Variants in NLRP9 observed in about 807,000 individuals in gnomAD.
NLRP9 encodes the protein NLR family pyrin domain containing 9.
In NLRP9, 88 loss-of-function variants were observed where a neutral mutation model predicts 83.1. That is an observed-to-expected ratio of 1.06 (90% CI 0.89 to 1.26). The LOEUF is 1.26. Ranked by LOEUF, NLRP9 falls within the 50% of genes most tolerant of loss-of-function variation. The probability of loss-of-function intolerance (pLI) is 0.00; values close to 1 mark genes in which losing one functional copy is unlikely to be tolerated. For synonymous variants in NLRP9, 521 were observed against 447.6 expected, an observed-to-expected ratio of 1.16 and a Z score of -2.07; for missense variants, 1,308 against 1,179.3, an observed-to-expected ratio of 1.11 and a Z score of -1.60.
intron 1 of NLRP9, among the ~76,000 whole-genome samples, chr19:55,735,130 G>T (rs551268641): frequency 8.5e-5 from 13 of 152,174 alleles, no homozygotes; most frequent in Non-Finnish European, 1.5e-4. Flanking sequence ...TTCCACCGAT[G>T]GTCTGTGCTC....
At chr19:55,717,011 A>T in intron 4 of NLRP9, 113 bp from the exon 5 acceptor site, 1 of 721,426 alleles carries the variant, frequency 1.4e-6, no homozygotes, top group Non-Finnish European at 2.3e-6. Flanking sequence ...CCGATCCATT[A>T]TCTACACTAC....
intron 5 of NLRP9, 131 bp downstream of exon 5, chr19:55,716,597 G>A (rs1988022965): frequency 1.4e-6 from 1 of 720,812 alleles, no homozygotes; most frequent in Non-Finnish European, 2.4e-6. Flanking sequence ...GCGTGGGAAA[G>A]GAACTCAGGT....
rs1988666210 is a variant in NLRP9 at position 55,733,405 on chromosome 19, C to T, written c.426G>A (p.Ala142=). 1.2e-6 allele frequency: 2 copies of T among 1,613,926 alleles called. No individual in the cohort carries two copies. The highest frequency in any genetic ancestry group is 1.7e-5 in the Admixed American group (1 of 59,990). The change falls in exon 2 of 9, where the codon GCG becomes GCA. Residue 142 remains alanine (A), a synonymous_variant. Coordinates refer to ENST00000332836, the MANE Select transcript of NLRP9 (RefSeq NM_176820.4). The part of the protein sequence containing the change: ...YKELNDAYTA[A]ARRHTVVLEG... Reference sequence around the variant, plus strand: ...CCAGGACCACAGTGTGTCGTCTAGCCGCAGCAGTATATGCGTCATTCAATT... The same window carrying T: ...CCAGGACCACAGTGTGTCGTCTAGCTGCAGCAGTATATGCGTCATTCAATT...
chr19:55,718,317 G>A (rs182563768), intron 4 of NLRP9, among the ~76,000 whole-genome samples: 315 of 152,296 alleles, frequency 2.1e-3, no homozygotes, highest in African/African-American at 6.9e-3. Flanking sequence ...ACCCGTAAAG[G>A]GTCTGTGCTG....
intron 3 of NLRP9, among the ~76,000 whole-genome samples, chr19:55,726,478 G>A (rs1027341056): frequency 2.0e-5 from 3 of 152,102 alleles, no homozygotes; most frequent in South Asian, 2.1e-4. Context: ...CCTCCCCAGC[G>A]TTAGGGATTA....
chr19:55,735,126 C>A (rs1298673527), intron 1 of NLRP9, among the ~76,000 whole-genome samples: 2 of 152,158 alleles, frequency 1.3e-5, no homozygotes, highest in African/African-American at 4.8e-5. Context: ...ACGGTTCCAC[C>A]GATGGTCTGT....
In NLRP9 at chr19:55,708,712, G is replaced by A. The variant is rs1987551155; in HGVS notation, c.*200C>T. 4.8e-6 allele frequency: 2 copies of A among 418,834 alleles called. No individual in the cohort carries two copies. Among genetic ancestry groups the A allele is most frequent in the South Asian group, 8.1e-5 (1 of 12,300 alleles). 25.9% of individuals were successfully genotyped at this position (418,834 alleles called of 1,614,324 possible). A position where few individuals can be genotyped will look rare whatever the true frequency, so the allele number is the denominator to read the frequency against. On this transcript the variant is annotated 3_prime_UTR_variant, in exon 9 of 9. Transcript: ENST00000332836. ...CAGGATGGGATTTCTAAAGACAAGG[G>A]GATATAGGACCGAGGCAAAGACAAT...
intron 8 of NLRP9, among the ~76,000 whole-genome samples, chr19:55,711,085 C>CAA (rs770121384): frequency 0.071 from 7,964 of 111,812 alleles, 317 homozygotes; most frequent in East Asian, 0.17. Context: ...GACTCTGCCT[C>CAA]AAAAAAACAA....
At chr19:55,723,337 T>C (rs1275830907) in intron 4 of NLRP9, among the ~76,000 whole-genome samples, 1 of 151,474 alleles carries the variant, frequency 6.6e-6, no homozygotes, top group East Asian at 1.9e-4. Flanking sequence ...CAGTTTCAAG[T>C]TTCTATAAAT....
Position 55,732,548 on chromosome 19 carries a change from C to G in NLRP9, c.1283G>C (p.Trp428Ser). 6.2e-7 allele frequency: 1 copy of G among 1,614,202 alleles called. No homozygotes were observed. ...CCTTTGGAGGAGTCTCATACCCACCCACATCACGCCCTCAGACTCAGATAA... is the reference window on the plus strand; with the variant it reads ...CCTTTGGAGGAGTCTCATACCCACCGACATCACGCCCTCAGACTCAGATAA... ...NGLSESEGVM[W>S]VGMRLLQRRG... Residue 428 changes from tryptophan to serine, a missense_variant, in exon 2 of 9, where the codon TGG becomes TCG. By Grantham distance (177) the Trp-to-Ser change is radical. Coordinates refer to ENST00000332836, the MANE Select transcript of NLRP9 (RefSeq NM_176820.4).
chr19:55,737,148 GGTTCGGAGTCA>G (rs1988805685), intron 1 of NLRP9: 1 of 151,908 alleles, frequency 6.6e-6, no homozygotes, highest in Admixed American at 6.6e-5. Flanking sequence ...CAGCAGAACT[GGTTCGGAGTCA>G]GATCTGTCAC....
intron 5 of NLRP9, among the ~76,000 whole-genome samples, chr19:55,716,402 G>A (rs1400166847): frequency 2.0e-5 from 3 of 152,016 alleles, no homozygotes; most frequent in Admixed American, 2.0e-4. Context: ...GGGAGTATGG[G>A]CATGCGCCAC....
At chr19:55,711,730 T>C in intron 8 of NLRP9, 70 bp downstream of exon 8, 2 of 1,488,532 alleles carry the variant, frequency 1.3e-6, no homozygotes. Context: ...CATGTCGCGG[T>C]TGAGCAAATG....
In NLRP9 at chr19:55,715,143, C is replaced by T. The variant is rs776582079; in HGVS notation, c.2413G>A (p.Asp805Asn). Residue 805 changes from aspartate (D) to asparagine (N), a missense_variant, in exon 6 of 9, where the codon GAT becomes AAT. Transcript: ENST00000332836. ...LLCSKSLSLLDLGSNALEDNG... is the reference protein window; with the variant it reads ...LLCSKSLSLLNLGSNALEDNG... ...TCTTCCAGGGCATTTGAGCCCAGAT[C>T]GAGGAGGGACAGGGACTTACTGCAC... 3.2e-5 allele frequency: 51 copies of T among 1,613,156 alleles called. No homozygotes were observed. The highest frequency in any genetic ancestry group is 4.0e-5 in the Non-Finnish European group (47 of 1,179,896).
intron 1 of NLRP9, among the ~76,000 whole-genome samples, chr19:55,734,863 G>C (rs909321095): frequency 6.6e-6 from 1 of 151,958 alleles, no homozygotes; most frequent in Non-Finnish European, 1.5e-5. Context: ...TTGAACTCTT[G>C]ACCTCAGGTG....
Position 55,724,016 on chromosome 19 carries a change from GTC to G in NLRP9, c.2121_2122del (p.Glu707AspfsTer18), listed in dbSNP as rs1210194500. ...TATCTTGCACATTGGATGTTTCAGC[GTC>G]TCACACAGGTGTCTGATGTCAGACT... On this transcript the variant is annotated frameshift_variant, in exon 4 of 9. Transcript: ENST00000332836. LOFTEE classifies it high-confidence loss of function. 1.9e-6 allele frequency: 3 copies of G among 1,613,734 alleles called. No individual in the cohort carries two copies. In the African/African-American group the frequency reaches 4.0e-5, roughly 22 times the overall value.
chr19:55,712,642 C>T, intron 6 of NLRP9, 52 bp from the exon 7 acceptor site: 1 of 1,457,322 alleles, frequency 6.9e-7, no homozygotes, highest in Non-Finnish European at 9.6e-7. Context: ...TCAATCATAA[C>T]AGCCCACCTT....
At chr19:55,736,395 A>C (rs34591876) in intron 1 of NLRP9, among the ~76,000 whole-genome samples, 10,472 of 152,194 alleles carry the variant, frequency 0.069, 430 homozygotes, top group East Asian at 0.18. Flanking sequence ...CGTCTCAAAA[A>C]AGAAAAAAGT....
chr19:55,722,581 T>C (rs1259361315), intron 4 of NLRP9, among the ~76,000 whole-genome samples: 3 of 152,312 alleles, frequency 2.0e-5, no homozygotes, highest in Non-Finnish European at 4.4e-5. Flanking sequence ...GAAGAGCATA[T>C]TCTCTTAGGG....
Sources: allele counts gnomAD v4.1 joint callset (sites outside exome capture counted in the v4.1 genomes callset), GRCh38; gene constraint gnomAD v4.1.1; transcripts MANE v1.5; gene names NCBI Gene and HGNC (gene_info 2026-07-23, HGNC 2026-07-21).